MAP3K8: variants seen among roughly 807,000 people sequenced by gnomAD.
MAP3K8 encodes Ewing sarcoma transformant.
In MAP3K8, 22 loss-of-function variants were observed where a neutral mutation model predicts 45.8. That is an observed-to-expected ratio of 0.48 (90% CI 0.34 to 0.69). MAP3K8 has a LOEUF of 0.69. MAP3K8 is among the 30% of genes least tolerant of loss of function. MAP3K8 has a pLI of 0.01. For synonymous variants in MAP3K8, 223 were observed against 214.3 expected, an observed-to-expected ratio of 1.04 and a Z score of -0.36; for missense variants, 419 against 585.0, an observed-to-expected ratio of 0.72 and a Z score of 2.93.
intron 3 of MAP3K8, among the ~76,000 whole-genome samples, chr10:30,442,806 C>G (rs1026090232): frequency 1.3e-5 from 2 of 152,164 alleles, no homozygotes; most frequent in Non-Finnish European, 2.9e-5. Context: ...AGTGTGAGAG[C>G]TGAAGATGTT....
chr10:30,453,549 C>T (rs1427480647), intron 6 of MAP3K8, among the ~76,000 whole-genome samples: 1 of 152,108 alleles, frequency 6.6e-6, no homozygotes, highest in African/African-American at 2.4e-5. Context: ...ACATTCACAT[C>T]ATTAGGCTGA....
At chr10:30,439,453 A>G in intron 3 of MAP3K8, 179 bp downstream of exon 3, 1 of 1,209,366 alleles carries the variant, frequency 8.3e-7, no homozygotes, top group Admixed American at 3.0e-5. Context: ...GTCTTCATTA[A>G]AATTTCTATT....
At chr10:30,438,865 T>A (rs1835998768) in intron 2 of MAP3K8, 51 bp from the exon 3 acceptor site, 32 of 1,015,972 alleles carry the variant, frequency 3.1e-5, no homozygotes, top group Non-Finnish European at 4.5e-5. Flanking sequence ...CCATGGGTCT[T>A]GAATGCAAAT....
intron 6 of MAP3K8, among the ~76,000 whole-genome samples, chr10:30,452,924 CCA>C (rs1836602241): frequency 6.6e-6 from 1 of 152,030 alleles, no homozygotes; most frequent in Non-Finnish European, 1.5e-5. Flanking sequence ...AGTGATCCTC[CCA>C]CCTCAGCCTC....
rs1039580103 is a variant in MAP3K8 at position 30,461,316 on chromosome 10, T to C, written c.*480T>C. 4 of 212,704 alleles carry C rather than the reference T, an allele frequency of 1.9e-5. No homozygotes were observed. Among genetic ancestry groups the C allele is most frequent in the African/African-American group, 9.0e-5 (4 of 44,212 alleles). The allele number at this position is 212,704 out of a possible 1,614,324, so 13.2% of individuals were successfully genotyped here. On this transcript the variant is annotated 3_prime_UTR_variant, in exon 9 of 9. Coordinates refer to ENST00000263056, the MANE Select transcript of MAP3K8 (RefSeq NM_005204.4). Reference sequence around the variant, plus strand: ...GGTATACATTGAATTCATTATAATTTGGGTGACTAGAACAACTTGAAGATT... The same window carrying C: ...GGTATACATTGAATTCATTATAATTCGGGTGACTAGAACAACTTGAAGATT...
At position 30,461,062 on chromosome 10, in the gene MAP3K8, T is replaced by G. The variant is rs1168193376; in HGVS notation, c.*226T>G. 2.3e-6 allele frequency: 1 copy of G among 434,322 alleles called. No individual in the cohort carries two copies. The highest frequency in any genetic ancestry group is 2.0e-5 in the African/African-American group (1 of 49,294). The allele number at this position is 434,322 out of a possible 1,614,324, so 26.9% of individuals were successfully genotyped here. On this transcript the variant is annotated 3_prime_UTR_variant, in exon 9 of 9. Coordinates refer to ENST00000263056, the MANE Select transcript of MAP3K8 (RefSeq NM_005204.4). ...TCTCATTTCTCAGGTGACGTGATTC[T>G]AAGGCAGGAATTTGAGAGTTCACAG...
At chr10:30,449,042 T>C (rs2132810460) in intron 4 of MAP3K8, among the ~76,000 whole-genome samples, 1 of 152,342 alleles carries the variant, frequency 6.6e-6, no homozygotes, top group Middle Eastern at 3.4e-3. Context: ...TGGATTAATC[T>C]CATAACCATT....
chr10:30,436,698 T>TAAA (rs1205873521), intron 1 of MAP3K8, among the ~76,000 whole-genome samples: 72 of 141,938 alleles, frequency 5.1e-4, no homozygotes, highest in Middle Eastern at 3.7e-3. Flanking sequence ...ACTACTACTA[T>TAAA]AAAAAAAAAA....
At chr10:30,443,034 G>C (rs993171075) in intron 3 of MAP3K8, among the ~76,000 whole-genome samples, 3 of 152,162 alleles carry the variant, frequency 2.0e-5, no homozygotes, top group African/African-American at 7.2e-5. Flanking sequence ...CTGTAAGAAA[G>C]TTCTCTTCCT....
At chr10:30,454,258 C>A (rs1029265685) in intron 6 of MAP3K8, among the ~76,000 whole-genome samples, 1 of 152,028 alleles carries the variant, frequency 6.6e-6, no homozygotes, top group African/African-American at 2.4e-5. Flanking sequence ...AGATGACAAC[C>A]CTTAGTCTAG....
At position 30,439,281 on chromosome 10, in the gene MAP3K8, T is replaced by G. The variant is rs1836016632; in HGVS notation, c.336+7T>G. On this transcript the variant is annotated splice_region_variant and intron_variant, in intron 3 of 8. Coordinates refer to ENST00000263056, the MANE Select transcript of MAP3K8 (RefSeq NM_005204.4). ...TGGAATTTTATTAAACATGGTACGT[T>G]TCTTTCCGATCAGTTGGGTGCTATG... is the stretch of plus-strand genomic sequence containing the variant. The G allele has an allele frequency of 6.2e-7, 1 of 1,614,148 alleles. No homozygotes were observed.
At chr10:30,459,088 G>T (rs1470141477) in intron 7 of MAP3K8, among the ~76,000 whole-genome samples, 167 bp from the exon 8 acceptor site, 1 of 151,966 alleles carries the variant, frequency 6.6e-6, no homozygotes, top group Admixed American at 6.6e-5. Flanking sequence ...AAAAGGAAAA[G>T]AAAAAAGAAA....
intron 8 of MAP3K8, among the ~76,000 whole-genome samples, 171 bp downstream of exon 8, chr10:30,459,672 A>T (rs546800928): frequency 1.0e-4 from 15 of 150,714 alleles, no homozygotes; most frequent in Admixed American, 4.6e-4. Flanking sequence ...TTTTTTTTTT[A>T]AATTGGCTAA....
chr10:30,452,785 C>A (rs555604827), intron 6 of MAP3K8, among the ~76,000 whole-genome samples: 1 of 152,192 alleles, frequency 6.6e-6, no homozygotes, highest in African/African-American at 2.4e-5. Context: ...TGGGTTCAAG[C>A]GCTTCTTAGT....
At chr10:30,453,799 G>C (rs910839035) in intron 6 of MAP3K8, among the ~76,000 whole-genome samples, 2 of 151,960 alleles carry the variant, frequency 1.3e-5, no homozygotes. Context: ...AGGCCAAGGA[G>C]GTGGGGGTGG....
intron 6 of MAP3K8, among the ~76,000 whole-genome samples, chr10:30,456,867 C>T (rs536483490): frequency 9.9e-5 from 15 of 152,006 alleles, no homozygotes; most frequent in East Asian, 5.9e-4. Flanking sequence ...AGGTGGATCA[C>T]GAGGTCAGGA....
chr10:30,459,211 G>A (rs370029327), intron 7 of MAP3K8, 44 bp from the exon 8 acceptor site: 3 of 1,611,698 alleles, frequency 1.9e-6, no homozygotes, highest in African/African-American at 2.7e-5. Context: ...TGTTGAGGGT[G>A]TATCACCATA....
chr10:30,452,303 C>T (rs931889895), intron 6 of MAP3K8, among the ~76,000 whole-genome samples: 6 of 151,902 alleles, frequency 3.9e-5, no homozygotes, highest in Non-Finnish European at 8.8e-5. Flanking sequence ...AACCCCGTCT[C>T]TACTAAAAAT....
intron 2 of MAP3K8, among the ~76,000 whole-genome samples, 162 bp downstream of exon 2, chr10:30,437,568 G>A (rs1354507775): frequency 6.6e-6 from 1 of 152,192 alleles, no homozygotes; most frequent in African/African-American, 2.4e-5. Flanking sequence ...TGGATTGCAG[G>A]ATGCTAAACT....
Sources: allele counts gnomAD v4.1 joint callset (sites outside exome capture counted in the v4.1 genomes callset), GRCh38; gene constraint gnomAD v4.1.1; transcripts MANE v1.5; gene names NCBI Gene and HGNC (gene_info 2026-07-23, HGNC 2026-07-21).